Variants in DPP6 observed in about 807,000 individuals in gnomAD.
DPP6 encodes the protein dipeptidyl peptidase like 6.
DPP6 carries 69 observed loss-of-function variants against 122.6 expected under a neutral mutation model. The ratio of observed to expected loss-of-function variants is 0.56; its 90% CI spans 0.46 to 0.69. DPP6 has a LOEUF of 0.69. Among genes scored for constraint, DPP6 ranks in the 30% least tolerant of loss-of-function variants. The pLI is 0.00. For missense variants in DPP6, 928 were observed against 1,116.9 expected, an observed-to-expected ratio of 0.83 and a Z score of 2.41; for synonymous variants, 418 against 433.1, an observed-to-expected ratio of 0.97 and a Z score of 0.43.
Position 154,826,648 on chromosome 7 carries a change from C to A in DPP6, c.1666+19536C>A, listed in dbSNP as rs145651841. Among the ~76,000 whole-genome samples, 541 of 152,180 alleles carry A rather than the reference C, an allele frequency of 3.6e-3. 7 individuals are homozygous for A. The highest frequency in any genetic ancestry group is 0.033 in the East Asian group (171 of 5,168). On this transcript the variant is annotated intron_variant, in intron 16 of 25. Transcript: ENST00000377770. ...CTGTTGTCCAACAGCAACGACAAAG[C>A]CTAAATAGGGCAGAGAAGGGAGAGA... is the stretch of plus-strand genomic sequence containing the variant.
At chr7:154,311,516 A>C (rs1263090158) in intron 1 of DPP6, among the ~76,000 whole-genome samples, 1 of 152,024 alleles carries the variant, frequency 6.6e-6, no homozygotes, top group African/African-American at 2.4e-5. Flanking sequence ...AAAAAAGAAA[A>C]AGAAAAAGAA....
At chr7:154,081,108 G>A (rs998396246) in intron 1 of DPP6, among the ~76,000 whole-genome samples, 4 of 151,978 alleles carry the variant, frequency 2.6e-5, no homozygotes, top group Admixed American at 2.0e-4. Flanking sequence ...AGAGGGTGTT[G>A]ATGGAGGCTT....
chr7:154,799,774 G>A (rs1218514101), intron 12 of DPP6, among the ~76,000 whole-genome samples: 2 of 152,180 alleles, frequency 1.3e-5, no homozygotes, highest in East Asian at 1.9e-4. Context: ...GACTAGAAAC[G>A]CTTCCCCCAA....
chr7:154,362,067 T>G (rs955796040), intron 1 of DPP6, among the ~76,000 whole-genome samples: 3 of 152,180 alleles, frequency 2.0e-5, no homozygotes, highest in African/African-American at 7.2e-5. Context: ...TGACCAACAT[T>G]GTTGAGGAGT....
At chr7:154,173,389 C>T (rs1260365649) in intron 1 of DPP6, among the ~76,000 whole-genome samples, 2 of 152,168 alleles carry the variant, frequency 1.3e-5, no homozygotes, top group Non-Finnish European at 2.9e-5. Context: ...TAAGCCCTGG[C>T]TCCTCCCTCA....
chr7:154,656,841 G>A (rs1219723968), intron 6 of DPP6, among the ~76,000 whole-genome samples: 1 of 144,536 alleles, frequency 6.9e-6, no homozygotes, highest in Non-Finnish European at 1.5e-5. Context: ...GACGGGTGGA[G>A]AGGCTGTGTG....
rs777971081 is a variant in DPP6, at chr7:154,587,719, C to T, written c.627+20803C>T. 14 of 1,555,636 alleles carry T rather than the reference C, an allele frequency of 9.0e-6. No homozygotes were observed. The South Asian group carries it at 1.7e-4, about 18-fold the overall frequency. On this transcript the variant is annotated intron_variant, in intron 5 of 25. Transcript: ENST00000377770. ...ATCATGTGACTCATTAGCAGTAAGT[C>T]AAGCCTGTAGCCCAGCTTGTCACCA...
chr7:154,272,639 C>G (rs546454479), intron 1 of DPP6, among the ~76,000 whole-genome samples: 1 of 152,066 alleles, frequency 6.6e-6, no homozygotes, highest in Non-Finnish European at 1.5e-5. Flanking sequence ...TAGGGGGACT[C>G]CATTAGCCCC....
At chr7:154,423,352 G>C (rs1817640411) in intron 1 of DPP6, among the ~76,000 whole-genome samples, 1 of 152,156 alleles carries the variant, frequency 6.6e-6, no homozygotes, top group African/African-American at 2.4e-5. Flanking sequence ...ATGGAAGTTA[G>C]GATTCCATCC....
chr7:153,987,346 C>T (rs1247417127), intron 1 of DPP6, among the ~76,000 whole-genome samples: 2 of 152,162 alleles, frequency 1.3e-5, no homozygotes, highest in Non-Finnish European at 2.9e-5. Flanking sequence ...ATCACTGGCT[C>T]CCAGACTCCC....
intron 2 of DPP6, among the ~76,000 whole-genome samples, chr7:154,461,024 C>G (rs555709851): frequency 9.9e-5 from 15 of 151,898 alleles, no homozygotes; most frequent in African/African-American, 3.6e-4. Context: ...TTCCCAACCT[C>G]TGATAACCAT....
the DPP6 span, among the ~76,000 whole-genome samples, chr7:153,798,497 C>T: frequency 4.6e-5 from 7 of 152,268 alleles, no homozygotes; most frequent in Admixed American, 2.6e-4. Context: ...GGAGATGGGG[C>T]CCCTTCCACT....
At position 154,212,372 on chromosome 7, in the gene DPP6, GATAAATGAAAA is replaced by G. The variant is rs546639498; in HGVS notation, c.243+159318_243+159328del. Among the ~76,000 whole-genome samples, 197 of 152,260 alleles carry G rather than the reference GATAAATGAAAA, an allele frequency of 1.3e-3. 1 individual carries two copies. The highest frequency in any genetic ancestry group is 4.5e-3 in the African/African-American group (189 of 41,566). ...ATCTAGCTCATAGGAATTCCAGAAA[GATAAATGAAAA>G]ATAAATGAGGCTTCAGAATGCTCAC... On this transcript the variant is annotated intron_variant, in intron 1 of 25. Coordinates refer to ENST00000377770, the MANE Select transcript of DPP6 (RefSeq NM_130797.4).
intron 2 of DPP6, among the ~76,000 whole-genome samples, chr7:154,459,637 C>G (rs1281851817): frequency 6.6e-6 from 1 of 151,676 alleles, no homozygotes; most frequent in South Asian, 2.1e-4. Context: ...TGAGACCACC[C>G]TGGTCTCCGT....
At chr7:154,312,610 C>A (rs1807003569) in intron 1 of DPP6, among the ~76,000 whole-genome samples, 1 of 152,088 alleles carries the variant, frequency 6.6e-6, no homozygotes, top group Non-Finnish European at 1.5e-5. Flanking sequence ...GTATGTGCGC[C>A]CATGTATGTG....
At chr7:153,792,486 G>A in the DPP6 span, among the ~76,000 whole-genome samples, 1 of 152,128 alleles carries the variant, frequency 6.6e-6, no homozygotes, top group African/African-American at 2.4e-5. Context: ...TGGGCCTGTA[G>A]TTTTCTTTGT....
At chr7:154,823,169 C>T (rs1440040058) in intron 16 of DPP6, among the ~76,000 whole-genome samples, 4 of 152,016 alleles carry the variant, frequency 2.6e-5, no homozygotes, top group Admixed American at 6.5e-5. Flanking sequence ...TTTTTGCCCT[C>T]GTTTATAAAA....
intron 8 of DPP6, among the ~76,000 whole-genome samples, chr7:154,750,710 C>A (rs750587741): frequency 6.6e-6 from 1 of 152,202 alleles, no homozygotes; most frequent in Non-Finnish European, 1.5e-5. Flanking sequence ...GAGAGACAAG[C>A]GTGCCGTGTG....
intron 1 of DPP6, chr7:153,887,756 C>T: frequency 6.2e-7 from 1 of 1,611,590 alleles, no homozygotes. Context: ...GGACAGGGCG[C>T]GCGCTGGGTC....
Sources: allele counts gnomAD v4.1 joint callset (sites outside exome capture counted in the v4.1 genomes callset), GRCh38; gene constraint gnomAD v4.1.1; transcripts MANE v1.5; gene names NCBI Gene and HGNC (gene_info 2026-07-23, HGNC 2026-07-21).